Variants in TPST1 observed in about 807,000 individuals in gnomAD.
TPST1 encodes tyrosylprotein sulfotransferase 1.
A neutral mutation model predicts 34.8 loss-of-function variants in TPST1; 20 were observed. That is an observed-to-expected ratio of 0.57 (90% CI 0.40 to 0.84). The LOEUF is 0.84. Ranked by LOEUF, TPST1 falls within the 40% of genes least tolerant of loss-of-function variation. TPST1 has a pLI of 0.00. For missense variants in TPST1, 353 were observed against 455.5 expected, an observed-to-expected ratio of 0.78 and a Z score of 2.05; for synonymous variants, 152 against 159.4, an observed-to-expected ratio of 0.95 and a Z score of 0.35.
At chr7:66,215,733 T>C (rs994686751) in intron 1 of TPST1, among the ~76,000 whole-genome samples, 4 of 151,170 alleles carry the variant, frequency 2.6e-5, no homozygotes, top group Admixed American at 6.6e-5. Context: ...TTTGATAGAA[T>C]TTACTAGTGA....
At chr7:66,263,272 G>A (rs1343179725) in intron 2 of TPST1, among the ~76,000 whole-genome samples, 1 of 152,164 alleles carries the variant, frequency 6.6e-6, no homozygotes, top group Non-Finnish European at 1.5e-5. Flanking sequence ...AGGCTGTTTT[G>A]TAGTATTGAC....
At chr7:66,282,773 A>T (rs1790957708) in intron 2 of TPST1, among the ~76,000 whole-genome samples, 1 of 152,134 alleles carries the variant, frequency 6.6e-6, no homozygotes. Flanking sequence ...CCAGACCGTG[A>T]CCTCCTTGAA....
chr7:66,244,987 G>A (rs1325741786), intron 2 of TPST1, among the ~76,000 whole-genome samples: 4 of 152,098 alleles, frequency 2.6e-5, no homozygotes, highest in African/African-American at 7.2e-5. Context: ...AATAAGTAAA[G>A]CAGACAAAAA....
In TPST1 at chr7:66,283,068, A is replaced by T. The variant is rs532118250; in HGVS notation, c.846-3443A>T. On this transcript the variant is annotated intron_variant, in intron 2 of 5. Coordinates refer to ENST00000304842, the MANE Select transcript of TPST1 (RefSeq NM_003596.4). ...CAGATCACCTGAGGTCAGGAGTTCAAGACCAGCCTGGCCAATGTGGCAAAA... is the reference window on the plus strand; with the variant it reads ...CAGATCACCTGAGGTCAGGAGTTCATGACCAGCCTGGCCAATGTGGCAAAA... 3.8e-4 allele frequency among the ~76,000 whole-genome samples: 58 copies of T among 152,302 alleles called. No individual in the cohort carries two copies. The East Asian group carries it at 0.01, about 27-fold the overall frequency.
chr7:66,279,231 A>C (rs1315091589), intron 2 of TPST1, among the ~76,000 whole-genome samples: 2 of 151,918 alleles, frequency 1.3e-5, no homozygotes, highest in Non-Finnish European at 2.9e-5. Context: ...ATGGCCTCCA[A>C]CTCCATCCAT....
intron 2 of TPST1, among the ~76,000 whole-genome samples, chr7:66,254,854 AAC>A (rs1281510535): frequency 6.6e-6 from 1 of 152,156 alleles, no homozygotes; most frequent in Non-Finnish European, 1.5e-5. Context: ...CTTATTTTAA[AAC>A]AGTTGTTGTT....
chr7:66,231,433 G>GGGT lies in TPST1; in HGVS notation c.-101-8889_-101-8887dup, dbSNP rs1423652965. Among the ~76,000 whole-genome samples, 57 of 152,238 alleles carry GGGT rather than the reference G, an allele frequency of 3.7e-4. 1 individual carries two copies. ...GGGGTGGCACTTGTCAGGGAAGCTG[G>GGGT]GGTGGCACAGGAGCCTATGGAGGGG... On this transcript the variant is annotated intron_variant, in intron 1 of 5. Transcript: ENST00000304842.
intron 1 of TPST1, among the ~76,000 whole-genome samples, chr7:66,218,212 G>A (rs1230425631): frequency 3.3e-5 from 5 of 152,132 alleles, no homozygotes; most frequent in South Asian, 2.1e-4. Flanking sequence ...CATTTTCTTC[G>A]TGTAGCCTTT....
chr7:66,245,807 T>A (rs967130434), intron 2 of TPST1, among the ~76,000 whole-genome samples: 2 of 152,188 alleles, frequency 1.3e-5, no homozygotes, highest in African/African-American at 4.8e-5. Flanking sequence ...CATGGAAAAT[T>A]AACAGCAGGC....
chr7:66,246,937 G>C (rs1233118117), intron 2 of TPST1, among the ~76,000 whole-genome samples: 1 of 152,156 alleles, frequency 6.6e-6, no homozygotes, highest in East Asian at 1.9e-4. Context: ...AAATCAATTG[G>C]ATATTGGGAT....
chr7:66,303,916 G>A (rs944407000), intron 3 of TPST1, among the ~76,000 whole-genome samples: 1 of 152,154 alleles, frequency 6.6e-6, no homozygotes, highest in African/African-American at 2.4e-5. Context: ...GAGGCTCTTG[G>A]AGTTACGGCT....
At chr7:66,208,400 A>G (rs948143812) in intron 1 of TPST1, among the ~76,000 whole-genome samples, 18 of 152,146 alleles carry the variant, frequency 1.2e-4, no homozygotes, top group Non-Finnish European at 2.1e-4. Context: ...AGTTTGGGTT[A>G]GGTGACTTTT....
Position 66,359,936 on chromosome 7 carries a change from T to C in TPST1, c.*71T>C, listed in dbSNP as rs1214266365. Reference sequence around the variant, plus strand: ...TTCAGCAGAAGGGAAATTCCTAGGATTGGCTGTCCCCTGCCAAGCTTGGTG... The same window carrying C: ...TTCAGCAGAAGGGAAATTCCTAGGACTGGCTGTCCCCTGCCAAGCTTGGTG... On this transcript the variant is annotated 3_prime_UTR_variant, in exon 6 of 6. Coordinates refer to ENST00000304842, the MANE Select transcript of TPST1 (RefSeq NM_003596.4). 1 of 456,736 alleles carries C rather than the reference T, an allele frequency of 2.2e-6. No homozygotes were observed. Among genetic ancestry groups the C allele is most frequent in the Admixed American group, 2.3e-5 (1 of 42,580 alleles). The allele number at this position is 456,736 out of a possible 1,614,324, so 28.3% of individuals were successfully genotyped here.
At chr7:66,276,917 GT>G (rs1562825937) in intron 2 of TPST1, among the ~76,000 whole-genome samples, 1 of 152,100 alleles carries the variant, frequency 6.6e-6, no homozygotes, top group Non-Finnish European at 1.5e-5. Flanking sequence ...CTGAAAAACA[GT>G]TTTCTCAAGC....
At chr7:66,203,243 T>A (rs549526134), upstream of TPST1, among the ~76,000 whole-genome samples, 91 of 151,842 alleles carry the variant, frequency 6.0e-4, no homozygotes, top group African/African-American at 1.4e-3. Flanking sequence ...AATTATTATT[T>A]TTTTTTTTGG....
the TPST1 span, among the ~76,000 whole-genome samples, chr7:66,198,847 T>C: frequency 1.3e-5 from 2 of 152,188 alleles, no homozygotes; most frequent in African/African-American, 4.8e-5. Context: ...TTTTTCTTTT[T>C]CTTTAAATTG....
At chr7:66,261,110 T>G (rs1443088844) in intron 2 of TPST1, among the ~76,000 whole-genome samples, 1 of 152,194 alleles carries the variant, frequency 6.6e-6, no homozygotes, top group Non-Finnish European at 1.5e-5. Context: ...TCTGGATATT[T>G]TCTCAAGGCA....
At chr7:66,216,790 C>G (rs528026004) in intron 1 of TPST1, among the ~76,000 whole-genome samples, 8 of 152,286 alleles carry the variant, frequency 5.3e-5, no homozygotes, top group African/African-American at 1.9e-4. Context: ...TTTCTAGTTT[C>G]TTAAGGGAGA....
chr7:66,241,223 G>A lies in TPST1; in HGVS notation c.798G>A (p.Leu266=), dbSNP rs370875860. The change falls in exon 2 of 6, where the codon TTG becomes TTA. Residue 266 remains leucine, a synonymous_variant. Coordinates refer to ENST00000304842, the MANE Select transcript of TPST1 (RefSeq NM_003596.4). Reference sequence around the variant, plus strand: ...AGATTCCATGGAACCACTCAGTATTGCACCATGAAGAGATGATTGGGAAAG... The same window carrying A: ...AGATTCCATGGAACCACTCAGTATTACACCATGAAGAGATGATTGGGAAAG... ...FLQIPWNHSV[L]HHEEMIGKAG... The A allele has an allele frequency of 3.1e-6, 5 of 1,612,696 alleles. No individual in the cohort carries two copies. Among genetic ancestry groups the A allele is most frequent in the Non-Finnish European group, 4.2e-6 (5 of 1,179,238 alleles).
Sources: allele counts gnomAD v4.1 joint callset (sites outside exome capture counted in the v4.1 genomes callset), GRCh38; gene constraint gnomAD v4.1.1; transcripts MANE v1.5; gene names NCBI Gene and HGNC (gene_info 2026-07-23, HGNC 2026-07-21).